The following ABCB1 variants were observed in gnomAD, a reference collection of about 807,000 sequenced individuals.
The protein encoded by ABCB1 is ATP binding cassette subfamily B member 1.
Under a neutral mutation model 142.0 loss-of-function variants are expected in ABCB1, and 69 were observed. The ratio of observed to expected loss-of-function variants is 0.49; its 90% CI spans 0.40 to 0.59. The LOEUF (loss-of-function observed/expected upper bound fraction) is 0.59, where lower values mean the gene tolerates loss of function less well. Among genes scored for constraint, ABCB1 ranks in the 20% least tolerant of loss-of-function variants. The probability of loss-of-function intolerance (pLI) is 0.00; values close to 1 mark genes in which losing one functional copy is unlikely to be tolerated. For missense variants in ABCB1, 1,326 were observed against 1,554.7 expected (o/e 0.85, Z 2.47); for synonymous variants, 532 against 539.2 (o/e 0.99, Z 0.18).
intron 3 of ABCB1, among the ~76,000 whole-genome samples, chr7:87,587,829 C>T (rs574273015): frequency 2.7e-5 from 4 of 145,708 alleles, no homozygotes; most frequent in East Asian, 2.1e-4. Flanking sequence ...GAGCCGAGAT[C>T]GCACCACTGC....
intron 4 of ABCB1, 123 bp from the exon 5 acceptor site, chr7:87,570,346 C>G (rs1271046656): frequency 4.1e-6 from 4 of 968,116 alleles, no homozygotes; most frequent in Non-Finnish European, 6.6e-6. Context: ...CGAACTGACT[C>G]AGTTTTAATT....
chr7:87,694,223 C>T (rs190797065), intron 1 of ABCB1, among the ~76,000 whole-genome samples: 15 of 151,840 alleles, frequency 9.9e-5, no homozygotes, highest in Admixed American at 1.3e-4. Flanking sequence ...ATAAATATTA[C>T]GTGTGAAGTA....
intron 7 of ABCB1, among the ~76,000 whole-genome samples, chr7:87,564,441 C>T (rs192386494): frequency 2.1e-3 from 314 of 152,176 alleles, no homozygotes; most frequent in African/African-American, 7.4e-3. Context: ...TTTCCTGTAC[C>T]AATGCCCTCT....
At chr7:87,706,158 A>G (rs924301684) in intron 1 of ABCB1, among the ~76,000 whole-genome samples, 52 of 152,178 alleles carry the variant, frequency 3.4e-4, no homozygotes, top group African/African-American at 1.3e-3. Flanking sequence ...CCACATATCC[A>G]TGCATCTTTC....
At chr7:87,545,838 G>A in intron 15 of ABCB1, 25 bp downstream of exon 15, 2 of 1,609,920 alleles carry the variant, frequency 1.2e-6, no homozygotes, top group East Asian at 2.2e-5. Context: ...AGATGACTTA[G>A]GAAAATTCTG....
At chr7:87,519,604 C>T in intron 22 of ABCB1, 138 bp from the exon 23 acceptor site, 2 of 953,286 alleles carry the variant, frequency 2.1e-6, no homozygotes, top group Non-Finnish European at 3.3e-6. Flanking sequence ...AAGTTTGGTC[C>T]TCACTTTACA....
At chr7:87,638,470 C>T (rs947385368) in intron 1 of ABCB1, among the ~76,000 whole-genome samples, 4 of 151,726 alleles carry the variant, frequency 2.6e-5, no homozygotes, top group Non-Finnish European at 4.4e-5. Context: ...CAATGTGAAC[C>T]GCAAATTGTC....
chr7:87,619,148 A>C (rs561643824), intron 1 of ABCB1, among the ~76,000 whole-genome samples: 1 of 152,330 alleles, frequency 6.6e-6, no homozygotes, highest in East Asian at 1.9e-4. Flanking sequence ...ATAGAAAACT[A>C]ATATAACTGC....
At chr7:87,507,131 G>T (rs2117061617) in intron 26 of ABCB1, among the ~76,000 whole-genome samples, 1 of 152,306 alleles carries the variant, frequency 6.6e-6, no homozygotes, top group Non-Finnish European at 1.5e-5. Context: ...AGGAGAAGTG[G>T]ATCCTTAGGT....
chr7:87,536,917 A>G, intron 19 of ABCB1: 1 of 292,282 alleles, frequency 3.4e-6, no homozygotes, highest in South Asian at 3.5e-5. Context: ...GAGACTGGGG[A>G]GGGGAAACAG....
intron 10 of ABCB1, 72 bp from the exon 11 acceptor site, chr7:87,550,650 G>T (rs1817020158): frequency 1.3e-6 from 2 of 1,567,668 alleles, no homozygotes; most frequent in Non-Finnish European, 1.8e-6. Flanking sequence ...GTGGAGAGCT[G>T]GATAAAGTGA....
At chr7:87,626,174 TTGTCATATATATGTGTCATATATA>T (rs1563079822) in intron 1 of ABCB1, among the ~76,000 whole-genome samples, 4 of 82,034 alleles carry the variant, frequency 4.9e-5, no homozygotes, top group Admixed American at 1.2e-4. Context: ...GTCATATATA[TTGTCATATATATGTGTCATATATA>T]TGTCATATAT....
intron 23 of ABCB1, among the ~76,000 whole-genome samples, chr7:87,517,126 T>G (rs1167644307): frequency 6.6e-6 from 1 of 152,148 alleles, no homozygotes; most frequent in Non-Finnish European, 1.5e-5. Flanking sequence ...TCCTTATAAG[T>G]TCATGTCTAT....
At chr7:87,647,463 A>T (rs549355549) in intron 1 of ABCB1, among the ~76,000 whole-genome samples, 3 of 152,322 alleles carry the variant, frequency 2.0e-5, no homozygotes, top group South Asian at 2.1e-4. Context: ...CACATTAAAG[A>T]TATTTGCAAA....
At chr7:87,621,791 GT>G (rs1318683689) in intron 1 of ABCB1, among the ~76,000 whole-genome samples, 1 of 151,920 alleles carries the variant, frequency 6.6e-6, no homozygotes, top group Admixed American at 6.6e-5. Flanking sequence ...TCCAAAAAAA[GT>G]TGTTGTGAAA....
chr7:87,566,536 T>G (rs975087387), intron 6 of ABCB1, among the ~76,000 whole-genome samples: 1 of 152,198 alleles, frequency 6.6e-6, no homozygotes, highest in Admixed American at 6.5e-5. Context: ...CTGCACATTC[T>G]CAGAGGATTT....
chr7:87,591,759 T>A (rs1819009472), intron 3 of ABCB1, among the ~76,000 whole-genome samples: 1 of 152,068 alleles, frequency 6.6e-6, no homozygotes, highest in South Asian at 2.1e-4. Flanking sequence ...GATAGTATAA[T>A]TATGCAGAAT....
intron 1 of ABCB1, among the ~76,000 whole-genome samples, chr7:87,622,885 A>C (rs1388777757): frequency 6.6e-6 from 1 of 152,088 alleles, no homozygotes; most frequent in Non-Finnish European, 1.5e-5. Flanking sequence ...TTTTAAAAAT[A>C]AAAAACACTA....
At chr7:87,693,361 T>C (rs917113199) in intron 1 of ABCB1, among the ~76,000 whole-genome samples, 1 of 152,170 alleles carries the variant, frequency 6.6e-6, no homozygotes, top group African/African-American at 2.4e-5. Flanking sequence ...AACATAAAAG[T>C]TTTAACAATT....
Sources: allele counts gnomAD v4.1 joint callset (sites outside exome capture counted in the v4.1 genomes callset), GRCh38; gene constraint gnomAD v4.1.1; transcripts MANE v1.5; gene names NCBI Gene and HGNC (gene_info 2026-07-23, HGNC 2026-07-21).